MGMT: variants seen among roughly 807,000 people sequenced by gnomAD.
The protein encoded by MGMT is O-6-methylguanine-DNA methyltransferase, also known as methylated-DNA--protein-cysteine methyltransferase.
A neutral mutation model predicts 15.9 loss-of-function variants in MGMT; 14 were observed. The observed-to-expected ratio is 0.88, with a 90% CI of 0.58 to 1.37. The LOEUF (loss-of-function observed/expected upper bound fraction) is 1.37. MGMT is among the 40% of genes most tolerant of loss of function. The probability of loss-of-function intolerance (pLI) is 0.00; values close to 1 mark genes in which losing one functional copy is unlikely to be tolerated. For synonymous variants in MGMT, 130 were observed against 118.2 expected, an observed-to-expected ratio of 1.10 and a Z score of -0.65; for missense variants, 282 against 268.1, an observed-to-expected ratio of 1.05 and a Z score of -0.36.
At chr10:129,642,283 G>A (rs1387063756) in intron 2 of MGMT, among the ~76,000 whole-genome samples, 1 of 152,118 alleles carries the variant, frequency 6.6e-6, no homozygotes, top group Admixed American at 6.5e-5. Context: ...ATGTAAAAAT[G>A]GACAGTCCCA....
intron 1 of MGMT, among the ~76,000 whole-genome samples, chr10:129,520,936 C>G (rs1461069127): frequency 2.3e-5 from 3 of 132,522 alleles, no homozygotes; most frequent in African/African-American, 8.4e-5. Flanking sequence ...TGCGGGTACA[C>G]AGCCCCTAAG....
chr10:129,620,696 G>C (rs1443334753), intron 2 of MGMT, among the ~76,000 whole-genome samples: 1 of 151,880 alleles, frequency 6.6e-6, no homozygotes, highest in East Asian at 1.9e-4. Flanking sequence ...TTTTGCTTTT[G>C]ATCTATTTCT....
intron 2 of MGMT, among the ~76,000 whole-genome samples, chr10:129,690,595 T>C (rs1257903051): frequency 6.6e-6 from 1 of 152,174 alleles, no homozygotes; most frequent in African/African-American, 2.4e-5. Context: ...CGCATGCTGG[T>C]CCTGAGGTGA....
chr10:129,476,386 T>C (rs1282840630), intron 1 of MGMT, among the ~76,000 whole-genome samples: 1 of 152,146 alleles, frequency 6.6e-6, no homozygotes, highest in Non-Finnish European at 1.5e-5. Context: ...CTTGCCTTCT[T>C]TGGGCCTGAG....
In MGMT at chr10:129,768,993, C is replaced by T. The variant is rs1400879081; in HGVS notation, c.*1996C>T. The T allele has an allele frequency of 6.6e-6, 1 of 152,472 alleles. No individual in the cohort carries two copies. Among genetic ancestry groups the T allele is most frequent in the Non-Finnish European group, 1.5e-5 (1 of 68,232 alleles). The allele number at this position is 152,472 out of a possible 1,614,324, so 9.4% of individuals were successfully genotyped here. A position where few individuals can be genotyped will look rare whatever the true frequency, so the allele number is the denominator to read the frequency against. ...GCTCTGAGGGAGGGTCCTGGGGCCA[C>T]ATGACTGCAGCCAGCGAGGGCCGAG... On this transcript the variant is annotated 3_prime_UTR_variant, in exon 5 of 5. Transcript: ENST00000651593.
chr10:129,584,631 C>T (rs538467339), intron 2 of MGMT, among the ~76,000 whole-genome samples: 1 of 152,232 alleles, frequency 6.6e-6, no homozygotes, highest in Non-Finnish European at 1.5e-5. Context: ...CCAGACCTAC[C>T]AGCAGTCATT....
intron 1 of MGMT, among the ~76,000 whole-genome samples, chr10:129,519,074 C>T (rs1225443765): frequency 6.6e-6 from 1 of 152,136 alleles, no homozygotes; most frequent in Admixed American, 6.5e-5. Context: ...TGTCATTTTT[C>T]TGTAAGCCCT....
chr10:129,735,375 T>C (rs949599188), intron 3 of MGMT, among the ~76,000 whole-genome samples: 2 of 152,186 alleles, frequency 1.3e-5, no homozygotes, highest in Admixed American at 1.3e-4. Flanking sequence ...TCTCTGATGG[T>C]AGTTTGTATT....
chr10:129,708,193 G>C (rs1848190331), intron 3 of MGMT, 150 bp downstream of exon 3: 7 of 1,048,910 alleles, frequency 6.7e-6, no homozygotes, highest in Middle Eastern at 3.1e-4. Flanking sequence ...GGAGGGACGG[G>C]GGTTCGCCGC....
At chr10:129,654,708 G>T (rs1452115914) in intron 2 of MGMT, among the ~76,000 whole-genome samples, 1 of 152,020 alleles carries the variant, frequency 6.6e-6, no homozygotes, top group African/African-American at 2.4e-5. Flanking sequence ...TATGAGGAAG[G>T]TGGCCGGGGT....
At chr10:129,521,532 C>T (rs1430505240) in intron 1 of MGMT, among the ~76,000 whole-genome samples, 1 of 152,152 alleles carries the variant, frequency 6.6e-6, no homozygotes, top group Non-Finnish European at 1.5e-5. Context: ...GGCTCACAGC[C>T]GGGGCTAGAT....
chr10:129,639,119 G>A (rs1482908388), intron 2 of MGMT, among the ~76,000 whole-genome samples: 1 of 151,892 alleles, frequency 6.6e-6, no homozygotes, highest in African/African-American at 2.4e-5. Context: ...CTTTTAAAAA[G>A]CAGAAGAAAA....
intron 2 of MGMT, among the ~76,000 whole-genome samples, chr10:129,579,484 G>T (rs1589877059): frequency 6.6e-6 from 1 of 152,366 alleles, no homozygotes; most frequent in South Asian, 2.1e-4. Context: ...GATGTATGGG[G>T]TTTTCCCATG....
At chr10:129,745,673 T>C (rs1036324240) in intron 3 of MGMT, among the ~76,000 whole-genome samples, 1 of 152,216 alleles carries the variant, frequency 6.6e-6, no homozygotes, top group Non-Finnish European at 1.5e-5. Flanking sequence ...TGTAATGATA[T>C]CTCATTGTTT....
At chr10:129,477,665 T>G (rs1348902446) in intron 1 of MGMT, among the ~76,000 whole-genome samples, 1 of 152,162 alleles carries the variant, frequency 6.6e-6, no homozygotes, top group Non-Finnish European at 1.5e-5. Flanking sequence ...GAGCCCTCAC[T>G]GGAAACGGAA....
At chr10:129,749,525 C>G (rs1458665400) in intron 3 of MGMT, among the ~76,000 whole-genome samples, 3 of 152,130 alleles carry the variant, frequency 2.0e-5, no homozygotes, top group African/African-American at 7.2e-5. Flanking sequence ...GTTCACCTAT[C>G]GAACAACATT....
At chr10:129,738,410 G>T (rs1848591325) in intron 3 of MGMT, among the ~76,000 whole-genome samples, 2 of 152,204 alleles carry the variant, frequency 1.3e-5, no homozygotes, top group Non-Finnish European at 2.9e-5. Flanking sequence ...GCCCTGCTTT[G>T]GCTCGCGCAC....
intron 4 of MGMT, among the ~76,000 whole-genome samples, chr10:129,764,613 G>T (rs1238289013): frequency 1.3e-5 from 2 of 152,278 alleles, no homozygotes; most frequent in African/African-American, 4.8e-5. Flanking sequence ...GCTTTGGAGG[G>T]TGGAGCGTGG....
intron 2 of MGMT, among the ~76,000 whole-genome samples, chr10:129,567,817 A>G (rs1308336794): frequency 6.6e-6 from 1 of 152,230 alleles, no homozygotes; most frequent in Admixed American, 6.5e-5. Context: ...TCGAGTAAAC[A>G]GTATATGAAG....
Sources: gnomAD v4.1 joint callset for allele counts (sites outside exome capture counted in the v4.1 genomes callset) on GRCh38, gnomAD v4.1.1 for gene constraint, MANE v1.5 for transcripts, NCBI Gene and HGNC (gene_info 2026-07-23, HGNC 2026-07-21) for gene names.